The following GALNT15 variants were observed in gnomAD, a reference collection of about 807,000 sequenced individuals.
GALNT15 encodes the protein polypeptide N-acetylgalactosaminyltransferase 15.
Under a neutral mutation model 66.8 loss-of-function variants are expected in GALNT15, and 67 were observed. That is an observed-to-expected ratio of 1.00 (90% CI 0.82 to 1.23). GALNT15 has a LOEUF of 1.23. GALNT15 is among the 50% of genes most tolerant of loss of function. The pLI is 0.00. For missense variants in GALNT15, 827 were observed against 804.3 expected (o/e 1.03, Z -0.34); for synonymous variants, 313 against 311.5 (o/e 1.00, Z -0.05).
intron 3 of GALNT15, 66 bp from the exon 4 acceptor site, chr3:16,208,437 A>G: frequency 1.3e-6 from 2 of 1,558,286 alleles, no homozygotes; most frequent in Admixed American, 1.7e-5. Context: ...GCCCATGTAC[A>G]GACTGTTTCC....
intron 1 of GALNT15, among the ~76,000 whole-genome samples, chr3:16,179,221 A>G (rs2063444875): frequency 6.6e-6 from 1 of 152,232 alleles, no homozygotes; most frequent in Admixed American, 6.5e-5. Context: ...TCAACTCTTC[A>G]TAGAAAACCT....
At chr3:16,244,902 C>A in the GALNT15 span, among the ~76,000 whole-genome samples, 1 of 152,166 alleles carries the variant, frequency 6.6e-6, no homozygotes, top group Non-Finnish European at 1.5e-5. Flanking sequence ...TGTCCTCAGG[C>A]CTTCTCTGCT....
At chr3:16,238,121 T>C in the GALNT15 span, among the ~76,000 whole-genome samples, 1 of 152,220 alleles carries the variant, frequency 6.6e-6, no homozygotes, top group Non-Finnish European at 1.5e-5. This position sits in a 1 kb window ranked among gnomAD's most constrained non-coding sequence, Gnocchi z 4.8. Flanking sequence ...CTACACTTCC[T>C]TATTTTCCTC....
rs995941997 is a variant in GALNT15 at position 16,180,083 on chromosome 3, C to G, written c.539+4393C>G. Among the ~76,000 whole-genome samples, 1 of 152,186 alleles carries G rather than the reference C, an allele frequency of 6.6e-6. No individual in the cohort carries two copies. The highest frequency in any genetic ancestry group is 2.4e-5 in the African/African-American group (1 of 41,454). ...ATCTACATCTACGGCTGAACTTGAG[C>G]GTGCATCCGAACAACTAGATGGCTT... is the stretch of plus-strand genomic sequence containing the variant. On this transcript the variant is annotated intron_variant, in intron 1 of 9. Transcript: ENST00000339732. This position sits in a 1 kb window ranked among gnomAD's most constrained non-coding sequence, Gnocchi z 5.0.
At chr3:16,201,897 G>A (rs2063707468) in intron 3 of GALNT15, among the ~76,000 whole-genome samples, 1 of 152,146 alleles carries the variant, frequency 6.6e-6, no homozygotes, top group Admixed American at 6.5e-5. Context: ...ACCACCTCAG[G>A]CATACCACTT....
chr3:16,212,562 G>T lies in GALNT15; in HGVS notation c.1198-7G>T. On this transcript the variant is annotated splice_region_variant and splice_polypyrimidine_tract_variant and intron_variant, in intron 5 of 9. Coordinates refer to ENST00000339732, the MANE Select transcript of GALNT15 (RefSeq NM_054110.5). ...GCTGAGGTGTTTATCTTTTCCCTTC[G>T]TGGCAGGCCTGGCTCTGTGGTGGCT... 1 of 1,609,288 alleles carries T rather than the reference G, an allele frequency of 6.2e-7. No individual in the cohort carries two copies. Among genetic ancestry groups the T allele is most frequent in the Non-Finnish European group, 8.5e-7 (1 of 1,176,844 alleles).
intron 3 of GALNT15, among the ~76,000 whole-genome samples, chr3:16,207,529 A>ATTGGACT (rs1574986313): frequency 2.0e-3 from 6 of 3,050 alleles, no homozygotes; most frequent in East Asian, 0.019. Context: ...AAAAAAAAAA[A>ATTGGACT]AAAAAAAAAA....
rs142616039 is a variant in GALNT15, at chr3:16,211,204, C to A, written c.1160C>A (p.Ser387Ter). 2 of 1,613,612 alleles carry A rather than the reference C, an allele frequency of 1.2e-6. No individual in the cohort carries two copies. The change falls in exon 5 of 10, where the codon TCG (serine) becomes TAG (stop). Residue 387 changes from serine (S) to a stop codon, truncating the protein, a stop_gained. Coordinates refer to ENST00000339732, the MANE Select transcript of GALNT15 (RefSeq NM_054110.5). LOFTEE classifies it high-confidence loss of function. The surrounding 1 kb of genome is among the most constrained non-coding windows in gnomAD (Gnocchi z 4.3). ...QNTGAYDSLM[S>*]LRGGENLELS... ...ACTGGAGCGTATGACTCTCTTATGT[C>A]GCTGCGAGGTGGTGAAAACCTCGAA...
At chr3:16,230,167 C>T (rs2064068358), downstream of GALNT15, among the ~76,000 whole-genome samples, 1 of 152,166 alleles carries the variant, frequency 6.6e-6, no homozygotes, top group South Asian at 2.1e-4. This position sits in a 1 kb window ranked among gnomAD's most constrained non-coding sequence, Gnocchi z 4.5. Flanking sequence ...CCACCCCCAC[C>T]AAGTTCATCA....
chr3:16,241,141 T>C, the GALNT15 span, among the ~76,000 whole-genome samples: 1 of 152,222 alleles, frequency 6.6e-6, no homozygotes, highest in Non-Finnish European at 1.5e-5. This position sits in a 1 kb window ranked among gnomAD's most constrained non-coding sequence, Gnocchi z 4.6. Context: ...TGTCTTAACA[T>C]GGACCACTTT....
Position 16,225,980 on chromosome 3 carries a change from T to C in GALNT15, c.1774-1374T>C, listed in dbSNP as rs1460676335. Among the ~76,000 whole-genome samples, 1 of 145,514 alleles carries C rather than the reference T, an allele frequency of 6.9e-6. No homozygotes were observed. The highest frequency in any genetic ancestry group is 2.6e-5 in the African/African-American group (1 of 39,002). On this transcript the variant is annotated intron_variant, in intron 9 of 9. Transcript: ENST00000339732. The surrounding 1 kb of genome is among the most constrained non-coding windows in gnomAD (Gnocchi z 4.4). ...AGGAGAATCGCTTGAACCTGGGAGA[T>C]GGAGGTTGCAATGAGCCGAGATCAC...
At position 16,212,711 on chromosome 3, in the gene GALNT15, C is replaced by A; in HGVS notation, c.1340C>A (p.Ser447Ter). 1 of 1,613,980 alleles carries A rather than the reference C, an allele frequency of 6.2e-7. No homozygotes were observed. Among genetic ancestry groups the A allele is most frequent in the Non-Finnish European group, 8.5e-7 (1 of 1,180,030 alleles). The change falls in exon 6 of 10, where the codon TCA (serine) becomes TAA (stop). Residue 447 changes from serine (S) to a stop codon, truncating the protein, a stop_gained. Transcript: ENST00000339732. LOFTEE classifies it high-confidence loss of function. The stretch of plus-strand genomic sequence containing the variant: ...CGCATTGCTGAGACCTGGCTGGGGT[C>A]ATTCAAAGAAACCTTCTACAAGCAT... ...RVRIAETWLG[S>*]FKETFYKHSP...
downstream of GALNT15, among the ~76,000 whole-genome samples, chr3:16,234,982 G>A (rs906033326): frequency 2.4e-4 from 36 of 150,876 alleles, no homozygotes; most frequent in African/African-American, 7.3e-4. Context: ...GAGTGCAGTG[G>A]TGCGATCCCA....
At chr3:16,221,011 A>T (rs1276742191) in intron 8 of GALNT15, among the ~76,000 whole-genome samples, 1 of 152,220 alleles carries the variant, frequency 6.6e-6, no homozygotes, top group Non-Finnish European at 1.5e-5. Flanking sequence ...GCCACATGGT[A>T]GGGTGAAAAT....
chr3:16,195,998 G>A lies in GALNT15; in HGVS notation c.706+72G>A. ...TGGCGGGTGGAGTTCTCAAGCAAAA[G>A]ATTGAAGTTTGGAACTATTTTAGGC... is the stretch of plus-strand genomic sequence containing the variant. On this transcript the variant is annotated intron_variant, in intron 2 of 9. Coordinates refer to ENST00000339732, the MANE Select transcript of GALNT15 (RefSeq NM_054110.5). This position sits in a 1 kb window ranked among gnomAD's most constrained non-coding sequence, Gnocchi z 4.6. 6.6e-7 allele frequency: 1 copy of A among 1,505,628 alleles called. No homozygotes were observed. Among genetic ancestry groups the A allele is most frequent in the African/African-American group, 1.4e-5 (1 of 71,980 alleles). The allele number at this position is 1,505,628 out of a possible 1,614,324, so 93.3% of individuals were successfully genotyped here.
rs750178429 is a variant in GALNT15, at chr3:16,208,622, T to A, written c.1031T>A (p.Leu344Ter). 3 of 1,614,142 alleles carry A rather than the reference T, an allele frequency of 1.9e-6. No homozygotes were observed. Among genetic ancestry groups the A allele is most frequent in the Non-Finnish European group, 2.5e-6 (3 of 1,180,026 alleles). ...DWKLDFHWEPLPEHVRKALQS... is the reference protein window; with the variant it reads ...DWKLDFHWEP ...AAGCTGGATTTCCACTGGGAACCTT[T>A]GCCAGAGCATGTGAGGAAGGCCCTC... The change falls in exon 4 of 10, where the codon TTG becomes TAG. Residue 344 changes from leucine to a stop codon, truncating the protein, a stop_gained. Transcript: ENST00000339732. LOFTEE classifies it high-confidence loss of function.
the GALNT15 span, among the ~76,000 whole-genome samples, chr3:16,243,624 A>G: frequency 3.9e-5 from 6 of 152,250 alleles, 1 homozygote; most frequent in Admixed American, 3.9e-4. Context: ...ACAGTGTCCA[A>G]AGGAGCTTCT....
rs570523250 is a variant in GALNT15 at position 16,205,076 on chromosome 3, G to A, written c.912-3427G>A. The stretch of plus-strand genomic sequence containing the variant: ...CCAAGGAAACTCTCCAGCAACCATC[G>A]TACTTCATACCCTTCAGCATGACAC... On this transcript the variant is annotated intron_variant, in intron 3 of 9. Transcript: ENST00000339732. Among the ~76,000 whole-genome samples the A allele has an allele frequency of 1.9e-3, 285 of 152,296 alleles. 1 individual carries two copies. The highest frequency in any genetic ancestry group is 3.4e-3 in the Non-Finnish European group (232 of 68,028).
At chr3:16,201,750 T>A (rs2063705827) in intron 3 of GALNT15, among the ~76,000 whole-genome samples, 1 of 152,086 alleles carries the variant, frequency 6.6e-6, no homozygotes, top group South Asian at 2.1e-4. Context: ...CTGCTCTCCT[T>A]CCCCCATCTG....
Sources: gnomAD v4.1 joint callset for allele counts (sites outside exome capture counted in the v4.1 genomes callset) on GRCh38, gnomAD v4.1.1 for gene constraint, Gnocchi (gnomAD v3.1) non-coding constraint, MANE v1.5 for transcripts, NCBI Gene and HGNC (gene_info 2026-07-23, HGNC 2026-07-21) for gene names.